CASP6: variants seen among roughly 807,000 people sequenced by gnomAD.
CASP6 encodes the protein caspase 6.
A neutral mutation model predicts 31.8 loss-of-function variants in CASP6; 20 were observed. The ratio of observed to expected loss-of-function variants is 0.63; its 90% CI spans 0.44 to 0.91. The LOEUF is 0.91. CASP6 is among the 40% of genes least tolerant of loss of function. The pLI is 0.00. For missense variants in CASP6, 328 were observed against 361.1 expected, an observed-to-expected ratio of 0.91 and a Z score of 0.74; for synonymous variants, 130 against 127.8, an observed-to-expected ratio of 1.02 and a Z score of -0.12.
the CASP6 span, among the ~76,000 whole-genome samples, chr4:109,669,121 TTC>T: frequency 6.6e-6 from 1 of 152,168 alleles, no homozygotes; most frequent in Non-Finnish European, 1.5e-5. Context: ...CCTTCTCTGA[TTC>T]TCTTTCTTTC....
the CASP6 span, among the ~76,000 whole-genome samples, chr4:109,672,526 G>A: frequency 1.3e-5 from 2 of 152,156 alleles, no homozygotes; most frequent in African/African-American, 4.8e-5. Flanking sequence ...AAGGGTAGGA[G>A]GAAGAAATTC....
At chr4:109,681,335 A>G in the CASP6 span, 1 of 319,614 alleles carries the variant, frequency 3.1e-6, no homozygotes, top group Non-Finnish European at 6.4e-6. Flanking sequence ...AAGGTAGTCA[A>G]AAGCTACTAA....
Position 109,689,143 on chromosome 4 carries a change from A to ATT in CASP6, c.*185_*186dup. On this transcript the variant is annotated 3_prime_UTR_variant, in exon 7 of 7. Transcript: ENST00000265164. Reference sequence around the variant, plus strand: ...GGCATGCGCCGCCATGCCTAGCTAAATTTTTTTTTGCATTTTTAGTAGAGA... The same window carrying ATT: ...GGCATGCGCCGCCATGCCTAGCTAAATTTTTTTTTTTGCATTTTTAGTAGAGA... 1.9e-6 allele frequency: 1 copy of ATT among 520,196 alleles called. No individual in the cohort carries two copies. The highest frequency in any genetic ancestry group is 2.3e-5 in the South Asian group (1 of 44,268). The allele number at this position is 520,196 out of a possible 1,614,324, so 32.2% of individuals were successfully genotyped here.
chr4:109,706,131 TTATATATATATATATATATATATA>T (rs58847180), upstream of CASP6, among the ~76,000 whole-genome samples: 1 of 36,110 alleles, frequency 2.8e-5, no homozygotes. Flanking sequence ...CCTATCCATT[TTATATATATATATATATATATATA>T]TATATATATA....
chr4:109,670,638 C>T, the CASP6 span, among the ~76,000 whole-genome samples: 1 of 151,932 alleles, frequency 6.6e-6, no homozygotes, highest in African/African-American at 2.4e-5. Flanking sequence ...ATCGCTTGAA[C>T]CCGGAAGGCG....
chr4:109,671,074 T>C, the CASP6 span, among the ~76,000 whole-genome samples: 3 of 152,218 alleles, frequency 2.0e-5, no homozygotes, highest in African/African-American at 7.2e-5. Context: ...CGACAGCAAT[T>C]TTCCCTCTAA....
chr4:109,703,652 C>G (rs1353797213), upstream of CASP6: 1 of 549,248 alleles, frequency 1.8e-6, no homozygotes, highest in Non-Finnish European at 3.2e-6. Flanking sequence ...CGGTCTTCGC[C>G]TCCAGGCCCG....
chr4:109,664,400 A>AAACACAGCTATCC, the CASP6 span: 1 of 1,158,012 alleles, frequency 8.6e-7, no homozygotes, highest in Non-Finnish European at 1.3e-6. Context: ...GAGAGGTAAG[A>AAACACAGCTATCC]AACACAGCTA....
chr4:109,684,687 T>C, downstream of CASP6: 1 of 931,740 alleles, frequency 1.1e-6, no homozygotes, highest in Admixed American at 2.0e-5. Context: ...AGAACATCTT[T>C]GCAAAGAATG....
chr4:109,681,160 G>T, the CASP6 span, among the ~76,000 whole-genome samples: 1 of 152,204 alleles, frequency 6.6e-6, no homozygotes, highest in African/African-American at 2.4e-5. Context: ...AGACACATGG[G>T]AGGTATCCAA....
chr4:109,674,743 A>G, the CASP6 span, among the ~76,000 whole-genome samples: 1 of 152,270 alleles, frequency 6.6e-6, no homozygotes, highest in Non-Finnish European at 1.5e-5. Context: ...AGTTTTTTGT[A>G]ATTGCAAATT....
rs1554022043 is a variant in CASP6 at position 109,693,684 on chromosome 4, C to CAAAAAAAAAAAAAAAATCG, written c.483+822_483+840dup. 3.8e-3 allele frequency among the ~76,000 whole-genome samples: 270 copies of CAAAAAAAAAAAAAAAATCG among 71,004 alleles called. 5 individuals are homozygous for CAAAAAAAAAAAAAAAATCG. Among genetic ancestry groups the CAAAAAAAAAAAAAAAATCG allele is most frequent in the Non-Finnish European group, 7.6e-3 (242 of 31,794 alleles). The allele number at this position is 71,004 out of a possible 152,430, so 46.6% of individuals were successfully genotyped here. A position where few individuals can be genotyped will look rare whatever the true frequency, so the allele number is the denominator to read the frequency against. ...TGGGGGACAGAGCGAGACTCCATCT[C>CAAAAAAAAAAAAAAAATCG]AAAAAAAAAAAAAAAATCGTTAATG... is the stretch of plus-strand genomic sequence containing the variant. On this transcript the variant is annotated intron_variant, in intron 5 of 6. Coordinates refer to ENST00000265164, the MANE Select transcript of CASP6 (RefSeq NM_001226.4).
upstream of CASP6, among the ~76,000 whole-genome samples, chr4:109,706,809 G>A (rs764347284): frequency 8.5e-5 from 13 of 152,212 alleles, no homozygotes; most frequent in Non-Finnish European, 1.5e-4. Context: ...TCAGGAGGCT[G>A]AGGCACAAGA....
the CASP6 span, among the ~76,000 whole-genome samples, chr4:109,669,110 T>C: frequency 6.6e-6 from 1 of 152,162 alleles, no homozygotes; most frequent in African/African-American, 2.4e-5. Context: ...CCTCCACTAT[T>C]CCTTCTCTGA....
the CASP6 span, among the ~76,000 whole-genome samples, chr4:109,681,159 G>A: frequency 6.6e-6 from 1 of 152,286 alleles, no homozygotes; most frequent in East Asian, 1.9e-4. Flanking sequence ...TAGACACATG[G>A]GAGGTATCCA....
the CASP6 span, among the ~76,000 whole-genome samples, chr4:109,709,198 A>G: frequency 1.3e-5 from 2 of 152,234 alleles, no homozygotes; most frequent in African/African-American, 4.8e-5. Flanking sequence ...CAGTATCATC[A>G]TCTGAGAACT....
chr4:109,667,539 A>G, the CASP6 span, among the ~76,000 whole-genome samples: 1 of 150,270 alleles, frequency 6.7e-6, no homozygotes, highest in Non-Finnish European at 1.5e-5. Flanking sequence ...CTAGCTTTTA[A>G]CATCATTGAT....
intron 2 of CASP6, 113 bp from the exon 3 acceptor site, chr4:109,697,881 A>G: frequency 2.5e-6 from 3 of 1,183,116 alleles, no homozygotes; most frequent in Non-Finnish European, 2.4e-6. Flanking sequence ...TGCCAGGCTG[A>G]TGTTCCATGG....
chr4:109,682,773 A>T, the CASP6 span: 32 of 1,548,180 alleles, frequency 2.1e-5, no homozygotes, highest in South Asian at 3.8e-4. Flanking sequence ...AGTATATTTG[A>T]AAATAATACC....
Sources: allele counts gnomAD v4.1 joint callset (sites outside exome capture counted in the v4.1 genomes callset), GRCh38; gene constraint gnomAD v4.1.1; transcripts MANE v1.5; gene names NCBI Gene and HGNC (gene_info 2026-07-23, HGNC 2026-07-21).